AKT3: variants seen among roughly 807,000 people sequenced by gnomAD.
AKT3 encodes RAC-gamma serine/threonine-protein kinase.
AKT3 carries 15 observed loss-of-function variants against 65.3 expected under a neutral mutation model. The ratio of observed to expected loss-of-function variants is 0.23; its 90% CI spans 0.15 to 0.35. The LOEUF is 0.35. Ranked by LOEUF, AKT3 falls within the 10% of genes least tolerant of loss-of-function variation. The probability of loss-of-function intolerance (pLI) is 1.00; values close to 1 mark genes in which losing one functional copy is unlikely to be tolerated. For synonymous variants in AKT3, 206 were observed against 183.8 expected (o/e 1.12, Z -0.98); for missense variants, 243 against 576.5 (o/e 0.42, Z 5.92).
chr1:243,615,309 T>A, intron 6 of AKT3, 148 bp from the exon 7 acceptor site: 1 of 504,606 alleles, frequency 2.0e-6, no homozygotes, highest in Middle Eastern at 4.6e-4. Context: ...CCACTCAGCA[T>A]TCTCTCCACC....
chr1:243,677,541 T>C (rs1234445511), intron 3 of AKT3, among the ~76,000 whole-genome samples: 1 of 152,040 alleles, frequency 6.6e-6, no homozygotes. Context: ...AATATATTTT[T>C]CAAAAAACAT....
At chr1:243,510,540 G>A (rs1442008813) in intron 13 of AKT3, among the ~76,000 whole-genome samples, 1 of 152,228 alleles carries the variant, frequency 6.6e-6, no homozygotes, top group South Asian at 2.1e-4. Context: ...TAAGCTTAGA[G>A]CTGAAGGACA....
intron 2 of AKT3, among the ~76,000 whole-genome samples, chr1:243,815,615 G>GT (rs2148409360): frequency 7.1e-6 from 1 of 140,646 alleles, no homozygotes; most frequent in South Asian, 2.3e-4. Context: ...AATCTATATT[G>GT]CTTTTTTTTT....
At chr1:243,571,843 T>C (rs1301450868) in intron 9 of AKT3, among the ~76,000 whole-genome samples, 2 of 152,220 alleles carry the variant, frequency 1.3e-5, no homozygotes, top group African/African-American at 2.4e-5. Context: ...TTTTGGCACT[T>C]AGACAGTTGG....
intron 2 of AKT3, among the ~76,000 whole-genome samples, chr1:243,703,485 G>T (rs989670205): frequency 6.6e-6 from 1 of 152,058 alleles, no homozygotes; most frequent in Non-Finnish European, 1.5e-5. Context: ...CCTGGGCCAG[G>T]CGTGGTTGCT....
intron 2 of AKT3, among the ~76,000 whole-genome samples, chr1:243,840,971 C>A (rs1695205404): frequency 6.6e-6 from 1 of 151,908 alleles, no homozygotes; most frequent in Non-Finnish European, 1.5e-5. Flanking sequence ...AAAAAAAGTT[C>A]TAAAATGATT....
chr1:243,838,566 A>G (rs1449989442), intron 2 of AKT3, among the ~76,000 whole-genome samples: 1 of 152,208 alleles, frequency 6.6e-6, no homozygotes, highest in Non-Finnish European at 1.5e-5. Context: ...TCAAAAATGT[A>G]AATTGTTTTC....
chr1:243,581,908 C>T (rs1675393687), intron 8 of AKT3, among the ~76,000 whole-genome samples: 1 of 151,884 alleles, frequency 6.6e-6, no homozygotes, highest in South Asian at 2.1e-4. Flanking sequence ...ATCAGACTTT[C>T]TGGAATTGAA....
At chr1:243,840,714 A>T (rs1393273845) in intron 2 of AKT3, among the ~76,000 whole-genome samples, 4 of 149,422 alleles carry the variant, frequency 2.7e-5, no homozygotes, top group Admixed American at 6.7e-5. Context: ...AGAAAAGCTA[A>T]TTTTTTTTTT....
chr1:243,605,221 T>A (rs1452283023), intron 8 of AKT3, among the ~76,000 whole-genome samples: 1 of 151,586 alleles, frequency 6.6e-6, no homozygotes, highest in Non-Finnish European at 1.5e-5. Context: ...TGACACGGGA[T>A]CTCACCATGT....
chr1:243,818,842 G>T (rs1693685929), intron 2 of AKT3, among the ~76,000 whole-genome samples: 2 of 152,086 alleles, frequency 1.3e-5, no homozygotes, highest in Admixed American at 1.3e-4. Context: ...CCATGGGACT[G>T]ACTAGGCAGT....
At chr1:243,848,932 T>C (rs1695629831) in intron 1 of AKT3, among the ~76,000 whole-genome samples, 1 of 152,214 alleles carries the variant, frequency 6.6e-6, no homozygotes, top group Admixed American at 6.5e-5. Flanking sequence ...GGAAGAAATG[T>C]GAGCATCCCA....
In AKT3 at chr1:243,499,927, C is replaced by A; in HGVS notation, c.*5322G>T. 1 of 763,068 alleles carries A rather than the reference C, an allele frequency of 1.3e-6. No individual in the cohort carries two copies. The highest frequency in any genetic ancestry group is 2.3e-6 in the Non-Finnish European group (1 of 438,738). 47.3% of individuals were successfully genotyped at this position (763,068 alleles called of 1,614,324 possible). Reference sequence around the variant, plus strand: ...GCAGTGGGGCTGGTCCTCATCAACGCGGGCGCTGTCCCCGCACGCAGTCGG... The same window carrying A: ...GCAGTGGGGCTGGTCCTCATCAACGAGGGCGCTGTCCCCGCACGCAGTCGG... On this transcript the variant is annotated 3_prime_UTR_variant, in exon 14 of 14. Transcript: ENST00000673466.
intron 2 of AKT3, among the ~76,000 whole-genome samples, chr1:243,712,252 T>C (rs1001715439): frequency 1.3e-5 from 2 of 152,226 alleles, no homozygotes; most frequent in African/African-American, 4.8e-5. Context: ...TGATTTTCTA[T>C]GCCTTTTCAG....
chr1:243,571,380 T>C (rs1046076856), intron 9 of AKT3, among the ~76,000 whole-genome samples: 1 of 152,156 alleles, frequency 6.6e-6, no homozygotes, highest in Admixed American at 6.5e-5. Context: ...AAAGAAGAAA[T>C]ACTGACCAAG....
chr1:243,710,202 A>G (rs1488965875), intron 2 of AKT3, among the ~76,000 whole-genome samples: 1 of 152,124 alleles, frequency 6.6e-6, no homozygotes, highest in African/African-American at 2.4e-5. Flanking sequence ...TATACCAAGT[A>G]CGGTTTCATT....
At chr1:243,570,622 T>A (rs1265688852) in intron 9 of AKT3, among the ~76,000 whole-genome samples, 4 of 152,202 alleles carry the variant, frequency 2.6e-5, no homozygotes, top group Non-Finnish European at 2.9e-5. Context: ...TTGAAGGAGA[T>A]CACCTATAAA....
intron 13 of AKT3, among the ~76,000 whole-genome samples, chr1:243,506,991 G>A (rs959729195): frequency 2.0e-5 from 3 of 152,174 alleles, no homozygotes; most frequent in Non-Finnish European, 4.4e-5. Flanking sequence ...TAGAGAATAC[G>A]GGCAGCTAAA....
intron 4 of AKT3, among the ~76,000 whole-genome samples, chr1:243,656,748 C>T (rs997607689): frequency 2.2e-4 from 33 of 152,272 alleles, no homozygotes; most frequent in Middle Eastern, 3.4e-3. Flanking sequence ...CATACGTGTG[C>T]GCATGCACAT....
Sources: gnomAD v4.1 joint callset for allele counts (sites outside exome capture counted in the v4.1 genomes callset) on GRCh38, gnomAD v4.1.1 for gene constraint, MANE v1.5 for transcripts, NCBI Gene and HGNC (gene_info 2026-07-23, HGNC 2026-07-21) for gene names.